Variants in UPF1 observed in about 807,000 individuals in gnomAD.
UPF1 encodes regulator of nonsense transcripts 1.
Under a neutral mutation model 129.2 loss-of-function variants are expected in UPF1, and 9 were observed. The observed-to-expected ratio is 0.07, with a 90% CI of 0.04 to 0.12. The LOEUF (loss-of-function observed/expected upper bound fraction) is 0.12, where lower values mean the gene tolerates loss of function less well. UPF1 is among the 10% of genes least tolerant of loss of function. The probability of loss-of-function intolerance (pLI) is 1.00; values close to 1 mark genes in which losing one functional copy is unlikely to be tolerated. For missense variants in UPF1, 788 were observed against 1,525.3 expected (o/e 0.52, Z 8.05); for synonymous variants, 649 against 644.9 (o/e 1.01, Z -0.10).
Position 18,851,096 on chromosome 19 carries a change from C to G in UPF1, c.810+228C>G, listed in dbSNP as rs1431201043. 1 of 449,184 alleles carries G rather than the reference C, an allele frequency of 2.2e-6. No individual in the cohort carries two copies. 27.8% of individuals were successfully genotyped at this position (449,184 alleles called of 1,614,324 possible). On this transcript the variant is annotated intron_variant, in intron 5 of 23. Coordinates refer to ENST00000262803, the MANE Select transcript of UPF1 (RefSeq NM_002911.4). This position sits in a 1 kb window ranked among gnomAD's most constrained non-coding sequence, Gnocchi z 4.2. ...GATCCTGGCCTTGGGGAAAGGAAAG[C>G]TCTGGCTGCTGGAATTTTTCTTGTC... is the stretch of plus-strand genomic sequence containing the variant.
chr19:18,847,415 G>C (rs1470041334), intron 2 of UPF1, among the ~76,000 whole-genome samples: 2 of 152,204 alleles, frequency 1.3e-5, no homozygotes, highest in Non-Finnish European at 2.9e-5. Flanking sequence ...CATGACCACT[G>C]GGTCTGAGGC....
intron 2 of UPF1, among the ~76,000 whole-genome samples, chr19:18,847,327 C>T (rs2055611500): frequency 6.6e-6 from 1 of 152,224 alleles, no homozygotes; most frequent in South Asian, 2.1e-4. Flanking sequence ...GGGGCCTGAG[C>T]TTCAGGGCGC....
intron 18 of UPF1, chr19:18,862,849 A>T (rs1225987173): frequency 2.6e-5 from 4 of 152,168 alleles, no homozygotes; most frequent in Admixed American, 2.6e-4. Flanking sequence ...GGAAAAAAAA[A>T]AACACTAGAC....
At chr19:18,854,120 C>G (rs190531117) in intron 8 of UPF1, among the ~76,000 whole-genome samples, 6 of 152,276 alleles carry the variant, frequency 3.9e-5, no homozygotes, top group East Asian at 1.9e-4. Flanking sequence ...GTATGTGGAG[C>G]CTTTTGCTTG....
intron 1 of UPF1, among the ~76,000 whole-genome samples, chr19:18,839,582 C>T (rs960273816): frequency 6.6e-6 from 1 of 152,210 alleles, no homozygotes; most frequent in African/African-American, 2.4e-5. Context: ...CAGACTGAGC[C>T]CTGCCCTGGG....
intron 1 of UPF1, among the ~76,000 whole-genome samples, chr19:18,837,863 A>G (rs758179990): frequency 7.2e-5 from 11 of 152,154 alleles, no homozygotes; most frequent in Non-Finnish European, 1.3e-4. Flanking sequence ...CCCTAGGAAA[A>G]ACATGCTGTC....
rs2055868120 is a variant in UPF1 at position 18,867,564 on chromosome 19, A to T, written c.*1047A>T. 1 of 152,328 alleles carries T rather than the reference A, an allele frequency of 6.6e-6. No individual in the cohort carries two copies. Among genetic ancestry groups the T allele is most frequent in the Non-Finnish European group, 1.5e-5 (1 of 68,076 alleles). The allele number at this position is 152,328 out of a possible 1,614,324, so 9.4% of individuals were successfully genotyped here. ...GTCCCCGTCCCCAGGAGGTACCGAC[A>T]GTCCCTGTGCTGGTTAGACACGGAG... On this transcript the variant is annotated 3_prime_UTR_variant, in exon 24 of 24. Transcript: ENST00000262803.
intron 1 of UPF1, among the ~76,000 whole-genome samples, chr19:18,841,153 A>G (rs956781826): frequency 5.3e-5 from 8 of 152,250 alleles, no homozygotes; most frequent in Non-Finnish European, 8.8e-5. Context: ...AGAAACGTCT[A>G]CGATGAATTC....
rs1401418464 is a variant in UPF1, at chr19:18,832,739, G to T, written c.231+299G>T. Among the ~76,000 whole-genome samples, 1 of 151,900 alleles carries T rather than the reference G, an allele frequency of 6.6e-6. No homozygotes were observed. The highest frequency in any genetic ancestry group is 2.4e-5 in the African/African-American group (1 of 41,328). ...AGACTTGCCTCGAGTCCTCCACTTC[G>T]TTCGGGACCGAGCTAACCTGACCCT... On this transcript the variant is annotated intron_variant, in intron 1 of 23. Coordinates refer to ENST00000262803, the MANE Select transcript of UPF1 (RefSeq NM_002911.4). The surrounding 1 kb of genome is among the most constrained non-coding windows in gnomAD (Gnocchi z 5.6).
intron 1 of UPF1, among the ~76,000 whole-genome samples, chr19:18,844,942 T>C (rs1485414591): frequency 6.6e-6 from 1 of 152,274 alleles, no homozygotes; most frequent in Non-Finnish European, 1.5e-5. Context: ...CAGGGCAGCA[T>C]TGGGCCCAGT....
At chr19:18,842,294 G>A (rs1018455448) in intron 1 of UPF1, among the ~76,000 whole-genome samples, 1 of 152,188 alleles carries the variant, frequency 6.6e-6, no homozygotes, top group South Asian at 2.1e-4. Context: ...TGAAGACATT[G>A]GGGTGATGGG....
In UPF1 at chr19:18,853,362, G is replaced by A. The variant is rs1230051667; in HGVS notation, c.1156+12G>A. Reference sequence around the variant, plus strand: ...CAAGGTCCCTGATAGTATCCTTCATGTGAAGAGGGTGTGGCCGGCTGGTGG... The same window carrying A: ...CAAGGTCCCTGATAGTATCCTTCATATGAAGAGGGTGTGGCCGGCTGGTGG... On this transcript the variant is annotated intron_variant, in intron 8 of 23. Coordinates refer to ENST00000262803, the MANE Select transcript of UPF1 (RefSeq NM_002911.4). This position sits in a 1 kb window ranked among gnomAD's most constrained non-coding sequence, Gnocchi z 4.4. 1 of 1,591,676 alleles carries A rather than the reference G, an allele frequency of 6.3e-7. No homozygotes were observed. Among genetic ancestry groups the A allele is most frequent in the East Asian group, 2.2e-5 (1 of 44,562 alleles).
intron 15 of UPF1, among the ~76,000 whole-genome samples, chr19:18,858,422 C>A (rs1195592909): frequency 6.6e-6 from 1 of 151,974 alleles, no homozygotes; most frequent in East Asian, 1.9e-4. Flanking sequence ...AATGTGTCAG[C>A]CTTTGGAAGA....
chr19:18,864,936 G>A (rs1486521752), intron 20 of UPF1, among the ~76,000 whole-genome samples: 3 of 151,388 alleles, frequency 2.0e-5, no homozygotes, highest in Admixed American at 6.6e-5. Context: ...ACGAGGTTTC[G>A]CCATGTTGGC....
chr19:18,857,306 C>A lies in UPF1; in HGVS notation c.1969-14C>A. 6.2e-7 allele frequency: 1 copy of A among 1,604,358 alleles called. No homozygotes were observed. The highest frequency in any genetic ancestry group is 8.5e-7 in the Non-Finnish European group (1 of 1,176,068). ...CCTGAGCTTCTTGACTTGTGGGGGC[C>A]CCTGTTCCTACAGCTGATCCTTGTA... On this transcript the variant is annotated splice_polypyrimidine_tract_variant and intron_variant, in intron 14 of 23. Coordinates refer to ENST00000262803, the MANE Select transcript of UPF1 (RefSeq NM_002911.4).
intron 19 of UPF1, 40 bp downstream of exon 19, chr19:18,863,652 C>T (rs750625716): frequency 1.9e-6 from 3 of 1,570,170 alleles, no homozygotes; most frequent in Non-Finnish European, 2.6e-6. Flanking sequence ...CACGGAGAAA[C>T]CCGGGCCCAA....
rs770379610 is a variant in UPF1, at chr19:18,850,638, G to A, written c.630-50G>A. 6.7e-5 allele frequency: 100 copies of A among 1,497,774 alleles called. No homozygotes were observed. The highest frequency in any genetic ancestry group is 8.1e-5 in the Non-Finnish European group (91 of 1,126,032). 92.8% of individuals were successfully genotyped at this position (1,497,774 alleles called of 1,614,324 possible). A position where few individuals can be genotyped will look rare whatever the true frequency, so the allele number is the denominator to read the frequency against. On this transcript the variant is annotated intron_variant, in intron 4 of 23. Transcript: ENST00000262803. The surrounding 1 kb of genome is among the most constrained non-coding windows in gnomAD (Gnocchi z 7.1). ...CATGGGAGGGGGCCCTCCCTGCTCC[G>A]GGGCTTCAGGGACGGGAGCTGGTCC...
In UPF1 at chr19:18,837,311, A is replaced by G. The variant is rs192418547; in HGVS notation, c.231+4871A>G. Among the ~76,000 whole-genome samples the G allele has an allele frequency of 6.0e-5, 9 of 151,088 alleles. No individual in the cohort carries two copies. The East Asian group carries it at 1.8e-3, about 29-fold the overall frequency. Reference sequence around the variant, plus strand: ...GCCATGTTACCCAGGCTGGTCTTGAACTCCTGGGCTCAAGAGATCCTCTCA... The same window carrying G: ...GCCATGTTACCCAGGCTGGTCTTGAGCTCCTGGGCTCAAGAGATCCTCTCA... On this transcript the variant is annotated intron_variant, in intron 1 of 23. Transcript: ENST00000262803.
At chr19:18,842,280 G>A (rs751173296) in intron 1 of UPF1, among the ~76,000 whole-genome samples, 21 of 152,158 alleles carry the variant, frequency 1.4e-4, no homozygotes, top group Admixed American at 3.3e-4. Context: ...TGTAAAAGAC[G>A]TTATGAAGAC....
Sources: allele counts gnomAD v4.1 joint callset (sites outside exome capture counted in the v4.1 genomes callset), GRCh38; gene constraint gnomAD v4.1.1; non-coding constraint Gnocchi (gnomAD v3.1); transcripts MANE v1.5; gene names NCBI Gene and HGNC (gene_info 2026-07-23, HGNC 2026-07-21).